Variants in CYTH1 observed in about 807,000 individuals in gnomAD.
CYTH1 encodes cytohesin 1, also known as cytohesin-1.
A neutral mutation model predicts 61.8 loss-of-function variants in CYTH1; 18 were observed. That is an observed-to-expected ratio of 0.29 (90% confidence interval 0.20 to 0.43). The LOEUF is 0.43. Among genes scored for constraint, CYTH1 ranks in the 20% least tolerant of loss-of-function variants. The pLI is 1.00. For synonymous variants in CYTH1, 174 were observed against 184.3 expected (o/e 0.94, Z 0.45); for missense variants, 336 against 510.5 (o/e 0.66, Z 3.29).
chr17:78,681,247 G>A (rs550979999), intron 11 of CYTH1, among the ~76,000 whole-genome samples: 3 of 152,134 alleles, frequency 2.0e-5, no homozygotes, highest in South Asian at 2.1e-4. Context: ...TAAGTCCTCC[G>A]CGAGTAGAAA....
At chr17:78,703,074 C>G (rs1200912887) in intron 3 of CYTH1, among the ~76,000 whole-genome samples, 1 of 151,826 alleles carries the variant, frequency 6.6e-6, no homozygotes, top group Non-Finnish European at 1.5e-5. Flanking sequence ...GCATAAGCCA[C>G]TGTACCCAGC....
intron 1 of CYTH1, among the ~76,000 whole-genome samples, chr17:78,762,591 A>G (rs2093433239): frequency 6.6e-6 from 1 of 152,190 alleles, no homozygotes; most frequent in Admixed American, 6.5e-5. Context: ...TCCATGGCAA[A>G]AGGGGATTAA....
chr17:78,751,596 A>T (rs2093380633), intron 1 of CYTH1, among the ~76,000 whole-genome samples: 1 of 152,198 alleles, frequency 6.6e-6, no homozygotes, highest in South Asian at 2.1e-4. Context: ...CACTGAGCAA[A>T]CTGCATTTTT....
rs566577940 is a variant in CYTH1, at chr17:78,699,909, C to A, written c.550+422G>T. Among the ~76,000 whole-genome samples, 4 of 152,278 alleles carry A rather than the reference C, an allele frequency of 2.6e-5. No individual in the cohort carries two copies. In the South Asian group the frequency reaches 8.3e-4, roughly 32 times the overall value. On this transcript the variant is annotated intron_variant, in intron 7 of 13. Coordinates refer to ENST00000446868, the MANE Select transcript of CYTH1 (RefSeq NM_004762.6). ...GGCTCAAGAGATCCTCCTGCCTCAG[C>A]CTCACAAATAGCCGGGACTACAGGC...
chr17:78,694,562 A>G (rs564457270), intron 10 of CYTH1, among the ~76,000 whole-genome samples: 1 of 152,300 alleles, frequency 6.6e-6, no homozygotes, highest in South Asian at 2.1e-4. Context: ...CCCTCCACCA[A>G]TTCAGAGTCT....
At chr17:78,707,893 A>G (rs2144384548) in intron 3 of CYTH1, among the ~76,000 whole-genome samples, 1 of 152,124 alleles carries the variant, frequency 6.6e-6, no homozygotes, top group East Asian at 1.9e-4. Flanking sequence ...GTTGGCCAGG[A>G]TGGTCTCGAT....
At chr17:78,733,762 G>A (rs765172490) in intron 1 of CYTH1, among the ~76,000 whole-genome samples, 3 of 152,262 alleles carry the variant, frequency 2.0e-5, no homozygotes, top group Non-Finnish European at 2.9e-5. Flanking sequence ...ACAGAATGGT[G>A]TATACCAAGC....
intron 10 of CYTH1, among the ~76,000 whole-genome samples, chr17:78,694,224 G>A (rs1156528212): frequency 2.0e-5 from 3 of 152,210 alleles, no homozygotes; most frequent in East Asian, 1.9e-4. Flanking sequence ...GCGGGCTTAC[G>A]TGACTGATCA....
chr17:78,684,391 G>T (rs1001277387), intron 11 of CYTH1, among the ~76,000 whole-genome samples: 2 of 152,222 alleles, frequency 1.3e-5, no homozygotes, highest in Non-Finnish European at 2.9e-5. Context: ...CCCCTGCCTA[G>T]AACTTTCACT....
intron 1 of CYTH1, among the ~76,000 whole-genome samples, chr17:78,718,651 T>C (rs1391002801): frequency 6.6e-6 from 1 of 152,222 alleles, no homozygotes; most frequent in African/African-American, 2.4e-5. Context: ...CCCAGTGACT[T>C]ATAATTTGAA....
rs2092979471 is a variant in CYTH1 at position 78,699,091 on chromosome 17, A to G, written c.551-123T>C. 5 of 1,219,692 alleles carry G rather than the reference A, an allele frequency of 4.1e-6. No homozygotes were observed. In the East Asian group the frequency reaches 1.2e-4, roughly 30 times the overall value. 75.6% of individuals were successfully genotyped at this position (1,219,692 alleles called of 1,614,324 possible). A position where few individuals can be genotyped will look rare whatever the true frequency, so the allele number is the denominator to read the frequency against. ...AATAAAAAACCATGTTCTCGGCCAG[A>G]TGCAGTGGCTTACACCTGTAATCCC... On this transcript the variant is annotated intron_variant, in intron 7 of 13. Transcript: ENST00000446868.
intron 1 of CYTH1, among the ~76,000 whole-genome samples, chr17:78,756,226 C>T (rs2093400731): frequency 1.3e-5 from 2 of 151,816 alleles, no homozygotes; most frequent in African/African-American, 4.8e-5. Flanking sequence ...CAGGCGCCCA[C>T]CACCACACCC....
intron 1 of CYTH1, among the ~76,000 whole-genome samples, chr17:78,726,288 C>T (rs543990937): frequency 1.3e-5 from 2 of 152,058 alleles, no homozygotes; most frequent in East Asian, 1.9e-4. Flanking sequence ...GTGATCTGCC[C>T]GCCTCAGCCT....
intron 1 of CYTH1, among the ~76,000 whole-genome samples, chr17:78,713,298 G>T (rs537267841): frequency 1.3e-5 from 2 of 152,058 alleles, no homozygotes; most frequent in East Asian, 3.9e-4. Context: ...ACCCCTTTAA[G>T]AAATTAATTT....
Position 78,698,266 on chromosome 17 carries a change from T to C in CYTH1, c.811+3A>G. 6.2e-7 allele frequency: 1 copy of C among 1,611,520 alleles called. No individual in the cohort carries two copies. Among genetic ancestry groups the C allele is most frequent in the Non-Finnish European group, 8.5e-7 (1 of 1,177,916 alleles). On this transcript the variant is annotated splice_donor_region_variant and intron_variant, in intron 9 of 13. Transcript: ENST00000446868. The stretch of plus-strand genomic sequence containing the variant: ...AGGAGCCCTGACTCAGAGGTGCGCT[T>C]ACCGAGTTTCAATAGCCAGCCTTCT...
intron 1 of CYTH1, among the ~76,000 whole-genome samples, chr17:78,713,799 C>T (rs2093157705): frequency 6.6e-6 from 1 of 150,398 alleles, no homozygotes; most frequent in South Asian, 2.1e-4. Context: ...CTGCTATATA[C>T]CCTGAGAAGC....
chr17:78,676,833 G>A, intron 13 of CYTH1: 1 of 371,042 alleles, frequency 2.7e-6, no homozygotes, highest in African/African-American at 2.1e-5. Context: ...ACCTGCAGTG[G>A]ACTGGCAACA....
intron 1 of CYTH1, among the ~76,000 whole-genome samples, chr17:78,763,984 G>A (rs555315090): frequency 6.6e-5 from 10 of 151,884 alleles, no homozygotes; most frequent in South Asian, 2.1e-4. Flanking sequence ...AGTGGTGTGC[G>A]CCTGCAGTCC....
At chr17:78,766,191 C>T (rs2093448115) in intron 1 of CYTH1, among the ~76,000 whole-genome samples, 3 of 151,862 alleles carry the variant, frequency 2.0e-5, no homozygotes, top group South Asian at 4.2e-4. Context: ...TCTGTAACTC[C>T]CTGGAAGAAA....
Sources: gnomAD v4.1 joint callset for allele counts (sites outside exome capture counted in the v4.1 genomes callset) on GRCh38, gnomAD v4.1.1 for gene constraint, MANE v1.5 for transcripts, NCBI Gene and HGNC (gene_info 2026-07-23, HGNC 2026-07-21) for gene names.